The following PHKA2 variants were observed in gnomAD, a reference collection of about 807,000 sequenced individuals.
PHKA2 encodes the protein phosphorylase b kinase regulatory subunit alpha, liver isoform.
Under a neutral mutation model 102.0 loss-of-function variants are expected in PHKA2, and 31 were observed. The observed-to-expected ratio is 0.30, with a 90% CI of 0.23 to 0.41. The LOEUF (loss-of-function observed/expected upper bound fraction) is 0.41. Ranked by LOEUF, PHKA2 falls within the 10% of genes least tolerant of loss-of-function variation. The probability of loss-of-function intolerance (pLI) is 1.00; values close to 1 mark genes in which losing one functional copy is unlikely to be tolerated. For missense variants in PHKA2, 858 were observed against 1,023.1 expected (o/e 0.84, Z 2.20); for synonymous variants, 455 against 416.2 (o/e 1.09, Z -1.13).
At position 18,895,042 on chromosome X, in the gene PHKA2, TGAGCCCAAAAG is replaced by T. The variant is rs2047511155; in HGVS notation, c.3336+85_3336+95del. On this transcript the variant is annotated intron_variant, in intron 31 of 32. Coordinates refer to ENST00000379942, the MANE Select transcript of PHKA2 (RefSeq NM_000292.3). ...GCTACAAATGGCCTGTCAATTAGAA[TGAGCCCAAAAG>T]GAGCACAAGAGGTCAGAGTCCATGC... 1.8e-5 allele frequency: 15 copies of T among 844,927 alleles called. No homozygotes were observed. The East Asian group carries it at 4.7e-4, about 26-fold the overall frequency. 69.6% of individuals were successfully genotyped at this position (844,927 alleles called of 1,213,427 possible). A position where few individuals can be genotyped will look rare whatever the true frequency, so the allele number is the denominator to read the frequency against.
At chrX:18,905,455 G>A (rs1208711525) in intron 26 of PHKA2, among the ~76,000 whole-genome samples, 4 of 111,800 alleles carry the variant, frequency 3.6e-5, no homozygotes, top group Admixed American at 1.9e-4. Context: ...GATTACAGGC[G>A]TTAGCCACCG....
intron 23 of PHKA2, 40 bp downstream of exon 23, chrX:18,906,978 C>A: frequency 9.0e-7 from 1 of 1,116,601 alleles, no homozygotes; most frequent in East Asian, 3.1e-5. Context: ...TTCCCCATGG[C>A]TCCCCCGCAA....
intron 2 of PHKA2, among the ~76,000 whole-genome samples, chrX:18,953,963 G>A (rs946528486): frequency 9.0e-6 from 1 of 110,817 alleles, no homozygotes; most frequent in Non-Finnish European, 1.9e-5. Context: ...CCCAGCCTGG[G>A]TGACAGAGTG....
chrX:18,902,224 C>T (rs2047700690), intron 26 of PHKA2, among the ~76,000 whole-genome samples: 1 of 110,491 alleles, frequency 9.1e-6, no homozygotes, highest in African/African-American at 3.3e-5. Context: ...CAACCTCTGC[C>T]TCCTGGGCTC....
chrX:18,958,169 G>GT (rs1285357401), intron 1 of PHKA2, among the ~76,000 whole-genome samples: 2 of 111,552 alleles, frequency 1.8e-5, no homozygotes, highest in African/African-American at 6.5e-5. Flanking sequence ...CAGGGTCACT[G>GT]TTTTTAACGA....
intron 1 of PHKA2, among the ~76,000 whole-genome samples, chrX:18,980,053 G>A (rs1005605922): frequency 4.4e-5 from 5 of 112,685 alleles, no homozygotes; most frequent in African/African-American, 1.6e-4. Flanking sequence ...ATGCAATCAA[G>A]GTTTAAGGGA....
In PHKA2 at chrX:18,983,979, C is replaced by T; in HGVS notation, c.-47G>A. ...CAGCGCCCGATCTGCCGCGTGGGCG[C>T]GGGACGTCGGGGCTGTGGCCTCCAA... On this transcript the variant is annotated 5_prime_UTR_variant, in exon 1 of 33. Coordinates refer to ENST00000379942, the MANE Select transcript of PHKA2 (RefSeq NM_000292.3). The T allele has an allele frequency of 3.7e-6, 4 of 1,070,020 alleles. No homozygotes were observed. The highest frequency in any genetic ancestry group is 5.2e-6 in the Non-Finnish European group (4 of 767,034). 88.2% of individuals were successfully genotyped at this position (1,070,020 alleles called of 1,213,427 possible).
intron 7 of PHKA2, among the ~76,000 whole-genome samples, chrX:18,941,973 T>C (rs915212054): frequency 5.3e-5 from 6 of 112,206 alleles, no homozygotes; most frequent in African/African-American, 9.7e-5. Context: ...TTAGGACATG[T>C]AGGGGAGGAA....
intron 11 of PHKA2, among the ~76,000 whole-genome samples, chrX:18,932,844 T>C (rs1355991929): frequency 8.9e-6 from 1 of 112,029 alleles, no homozygotes; most frequent in Non-Finnish European, 1.9e-5. Flanking sequence ...TCAGGCATGG[T>C]GGCTCACACC....
Position 18,925,655 on chromosome X carries a change from C to G in PHKA2, c.1569+13G>C, listed in dbSNP as rs773351800. 1.2e-5 allele frequency: 12 copies of G among 994,566 alleles called. No individual in the cohort carries two copies. Among genetic ancestry groups the G allele is most frequent in the Non-Finnish European group, 1.7e-5 (12 of 698,643 alleles). The allele number at this position is 994,566 out of a possible 1,213,427, so 82.0% of individuals were successfully genotyped here. ...ACTTAAAAAAAAGATGCTCGTTGGC[C>G]TGCTCTCCTCACCTGGGGTGTAAAA... On this transcript the variant is annotated intron_variant, in intron 15 of 32. Coordinates refer to ENST00000379942, the MANE Select transcript of PHKA2 (RefSeq NM_000292.3).
rs747089913 is a variant in PHKA2 at position 18,925,387 on chromosome X, TA to T, written c.1569+280del. 4.8e-4 allele frequency among the ~76,000 whole-genome samples: 54 copies of T among 112,035 alleles called. 1 individual carries two copies. Among genetic ancestry groups the T allele is most frequent in the African/African-American group, 1.7e-3 (53 of 30,872 alleles). On this transcript the variant is annotated intron_variant, in intron 15 of 32. Transcript: ENST00000379942. The stretch of plus-strand genomic sequence containing the variant: ...CACAAGGGTCAGAGATGATTGTGAT[TA>T]GGGGCACAAGGGCTGTGAGTCAAGT...
chrX:18,952,688 T>A lies in PHKA2; in HGVS notation c.238-147A>T, dbSNP rs1423070440. The stretch of plus-strand genomic sequence containing the variant: ...CGAGCCTACGTGAGTGTTCTGATGG[T>A]TCATGTCCTCTCCACTCCATCATAA... On this transcript the variant is annotated intron_variant, in intron 2 of 32. Transcript: ENST00000379942. 11 of 519,032 alleles carry A rather than the reference T, an allele frequency of 2.1e-5. No homozygotes were observed. In the East Asian group the frequency reaches 3.9e-4, roughly 19 times the overall value. 42.8% of individuals were successfully genotyped at this position (519,032 alleles called of 1,213,427 possible). A position where few individuals can be genotyped will look rare whatever the true frequency, so the allele number is the denominator to read the frequency against.
chrX:18,904,372 C>T (rs1447721735), intron 26 of PHKA2, among the ~76,000 whole-genome samples: 1 of 112,512 alleles, frequency 8.9e-6, no homozygotes, highest in Non-Finnish European at 1.9e-5. Context: ...TTACAAAGGA[C>T]AGCTAACAAA....
At chrX:18,942,928 T>C (rs1487640331) in intron 7 of PHKA2, among the ~76,000 whole-genome samples, 1 of 109,329 alleles carries the variant, frequency 9.1e-6, no homozygotes, top group African/African-American at 3.3e-5. Context: ...AGCTGGAAGA[T>C]AGGGTCAAGA....
At chrX:18,953,267 C>G (rs762700787) in intron 2 of PHKA2, among the ~76,000 whole-genome samples, 1 of 111,884 alleles carries the variant, frequency 8.9e-6, no homozygotes, top group South Asian at 3.7e-4. Flanking sequence ...TATTTTGTTA[C>G]AAACTCAGTG....
intron 1 of PHKA2, among the ~76,000 whole-genome samples, chrX:18,966,930 G>A (rs961328144): frequency 8.9e-6 from 1 of 111,775 alleles, no homozygotes; most frequent in Admixed American, 9.5e-5. Flanking sequence ...GAGGGACGGC[G>A]AGGCTGGTGG....
In PHKA2 at chrX:18,918,784, A is replaced by C. The variant is rs2048063541; in HGVS notation, c.2034T>G (p.Pro678=). Residue 678 remains proline, a synonymous_variant, in exon 19 of 33, where the codon CCT becomes CCG. Transcript: ENST00000379942. Reference sequence around the variant, plus strand: ...GGTCTTCTGTGTTCTTACAAAGAGGAGGCAGATAGGACCTCAACGATGTGC... The same window carrying C: ...GGTCTTCTGTGTTCTTACAAAGAGGCGGCAGATAGGACCTCAACGATGTGC... ...LQSTSLRSYL[P]PLCKNTEDRH... The C allele has an allele frequency of 2.5e-6, 3 of 1,206,978 alleles. No individual in the cohort carries two copies. In the Admixed American group the frequency reaches 6.6e-5, roughly 26 times the overall value.
chrX:18,976,662 C>G (rs2049094267), intron 1 of PHKA2, among the ~76,000 whole-genome samples: 1 of 111,454 alleles, frequency 9.0e-6, no homozygotes, highest in South Asian at 3.8e-4. Context: ...TAAACTTTCT[C>G]ATAGGTATCT....
intron 11 of PHKA2, among the ~76,000 whole-genome samples, chrX:18,933,539 TGA>T (rs1308058087): frequency 8.9e-6 from 1 of 112,696 alleles, no homozygotes; most frequent in Non-Finnish European, 1.9e-5. Context: ...CACATCTGGC[TGA>T]GGAAATGAGT....
Sources: gnomAD v4.1 joint callset for allele counts (sites outside exome capture counted in the v4.1 genomes callset) on GRCh38, gnomAD v4.1.1 for gene constraint, MANE v1.5 for transcripts, NCBI Gene and HGNC (gene_info 2026-07-23, HGNC 2026-07-21) for gene names.